Variants in FAHD2B observed in about 807,000 individuals in gnomAD.
The protein encoded by FAHD2B is fumarylacetoacetate hydrolase domain containing 2B.
A neutral mutation model predicts 33.7 loss-of-function variants in FAHD2B; 26 were observed. That is an observed-to-expected ratio of 0.77 (90% CI 0.57 to 1.07). The LOEUF is 1.07. FAHD2B is among the 50% of genes least tolerant of loss of function. The pLI is 0.00. For synonymous variants in FAHD2B, 108 were observed against 150.9 expected, an observed-to-expected ratio of 0.72 and a Z score of 2.08; for missense variants, 272 against 388.1, an observed-to-expected ratio of 0.70 and a Z score of 2.51.
chr2:97,085,543 G>C (rs71429304), intron 6 of FAHD2B, among the ~76,000 whole-genome samples, 156 bp downstream of exon 6: 7 of 152,270 alleles, frequency 4.6e-5, no homozygotes, highest in Admixed American at 1.3e-4. Flanking sequence ...TGGGAGAACT[G>C]GTGGCTGAGG....
At chr2:97,089,379 C>T (rs539708922) in intron 4 of FAHD2B, among the ~76,000 whole-genome samples, 157 of 149,382 alleles carry the variant, frequency 1.1e-3, no homozygotes, top group African/African-American at 3.5e-3. Context: ...ATTAGGTGGG[C>T]GTGGTGGCAT....
intron 1 of FAHD2B, among the ~76,000 whole-genome samples, 154 bp from the exon 2 acceptor site, chr2:97,092,142 A>G (rs1220587500): frequency 6.6e-6 from 1 of 152,124 alleles, no homozygotes; most frequent in Non-Finnish European, 1.5e-5. Context: ...TTCTGGAGGA[A>G]GTGATGTGAG....
At chr2:97,087,566 G>T (rs1257171360) in intron 4 of FAHD2B, among the ~76,000 whole-genome samples, 6 of 151,948 alleles carry the variant, frequency 3.9e-5, no homozygotes, top group Admixed American at 3.9e-4. Context: ...AGGTGTGGTG[G>T]TGCATCCCTG....
At chr2:97,089,244 G>C (rs1006025627) in intron 4 of FAHD2B, among the ~76,000 whole-genome samples, 1 of 151,936 alleles carries the variant, frequency 6.6e-6, no homozygotes, top group Non-Finnish European at 1.5e-5. Flanking sequence ...AATAAGGCCG[G>C]GTGTGGTGAC....
At chr2:97,083,530 C>T (rs376452382), downstream of FAHD2B, 17 of 921,930 alleles carry the variant, frequency 1.8e-5, no homozygotes, top group South Asian at 3.6e-5. Flanking sequence ...CAAAATGCCC[C>T]AACTTGTTCC....
chr2:97,084,013 C>T lies in FAHD2B; in HGVS notation c.817G>A (p.Asp273Asn), dbSNP rs140352445. 6.2e-7 allele frequency: 1 copy of T among 1,613,744 alleles called. No individual in the cohort carries two copies. Among genetic ancestry groups the T allele is most frequent in the East Asian group, 2.2e-5 (1 of 44,886 alleles). ...GGGGGGGTCCCAGTTAGGATGACAT[C>T]CCCTGGGTAAAAGGTAACAAACCTG... ...VSQFVTFYPG[D>N]VILTGTPPGV... Residue 273 changes from aspartate (D) to asparagine (N), a missense_variant, in exon 8 of 9, where the codon GAT becomes AAT. Transcript: ENST00000414820.
chr2:97,082,603 C>G, downstream of FAHD2B: 4 of 1,569,496 alleles, frequency 2.5e-6, no homozygotes, highest in Non-Finnish European at 3.5e-6. Context: ...AGTCTGAGTT[C>G]TATCCCTCCC....
At chr2:97,081,147 G>C, downstream of FAHD2B, 1 of 1,471,418 alleles carries the variant, frequency 6.8e-7, no homozygotes, top group Non-Finnish European at 9.0e-7. Flanking sequence ...CGCCCCAGGG[G>C]CCCTGGGAGC....
chr2:97,083,556 A>C (rs909629276), downstream of FAHD2B: 14 of 1,025,280 alleles, frequency 1.4e-5, no homozygotes, highest in Non-Finnish European at 1.8e-5. Context: ...ACAAAGCCCA[A>C]AAGAAGACAA....
downstream of FAHD2B, chr2:97,083,472 A>T (rs1410361459): frequency 9.7e-5 from 111 of 1,143,982 alleles, no homozygotes; most frequent in South Asian, 1.5e-3. Context: ...GCCCAGCAGC[A>T]TCTTTTTGGC....
chr2:97,079,236 C>A (rs2031570562), downstream of FAHD2B, among the ~76,000 whole-genome samples: 1 of 152,112 alleles, frequency 6.6e-6, no homozygotes, highest in East Asian at 1.9e-4. Context: ...TGGACGCATG[C>A]ATGCATGTGT....
rs1181737008 is a variant in FAHD2B at position 97,085,606 on chromosome 2, C to G, written c.685+93G>C. Reference sequence around the variant, plus strand: ...GCAGTCAAAGGGCAGCCAGGGAGGGCAGGTGCCACATGTACCTGAACCCAT... The same window carrying G: ...GCAGTCAAAGGGCAGCCAGGGAGGGGAGGTGCCACATGTACCTGAACCCAT... On this transcript the variant is annotated intron_variant, in intron 6 of 8. Coordinates refer to ENST00000414820, the MANE Select transcript of FAHD2B (RefSeq NM_001320848.2). 1.9e-6 allele frequency: 3 copies of G among 1,543,226 alleles called. No homozygotes were observed. The East Asian group carries it at 6.8e-5, about 35-fold the overall frequency.
downstream of FAHD2B, chr2:97,082,028 G>A (rs867351175): frequency 3.9e-5 from 61 of 1,577,862 alleles, 1 homozygote; most frequent in Middle Eastern, 1.8e-3. Context: ...CGGCGACTGA[G>A]CAGAAAGCTG....
chr2:97,089,886 C>G, intron 4 of FAHD2B: 1 of 611,210 alleles, frequency 1.6e-6, no homozygotes. Flanking sequence ...AAATGTTTAT[C>G]TCTGTTTTAT....
chr2:97,084,832 G>A (rs2031859961), intron 6 of FAHD2B, among the ~76,000 whole-genome samples: 1 of 148,882 alleles, frequency 6.7e-6, no homozygotes, highest in Non-Finnish European at 1.5e-5. Context: ...AGAACCGCTT[G>A]AACCCAGGAG....
Position 97,083,755 on chromosome 2 carries a change from T to C in FAHD2B, c.945A>G (p.Ter315TrpextTer10), listed in dbSNP as rs2031759703. 1.9e-6 allele frequency: 3 copies of C among 1,613,974 alleles called. No homozygotes were observed. Among genetic ancestry groups the C allele is most frequent in the Non-Finnish European group, 2.5e-6 (3 of 1,180,052 alleles). ...ELGVIINKVV* is the reference protein window; with the variant it reads ...ELGVIINKVVW ...CTATGTCGGGCCTGTGCAGGAGCCATCACACCACCTTGTTGATGATGACAC... is the reference window on the plus strand; with the variant it reads ...CTATGTCGGGCCTGTGCAGGAGCCACCACACCACCTTGTTGATGATGACAC... Residue 315 changes from the stop codon to tryptophan (W), a stop_lost, in exon 9 of 9, where the codon TGA (stop) becomes TGG (tryptophan). Coordinates refer to ENST00000414820, the MANE Select transcript of FAHD2B (RefSeq NM_001320848.2).
chr2:97,092,104 A>G, intron 1 of FAHD2B, 116 bp from the exon 2 acceptor site: 1 of 166,154 alleles, frequency 6.0e-6, no homozygotes, highest in Non-Finnish European at 1.3e-5. Flanking sequence ...TGCTGTGAAG[A>G]TGGTCAGGGG....
chr2:97,094,236 A>G (rs1261863425), intron 1 of FAHD2B, among the ~76,000 whole-genome samples: 1 of 152,028 alleles, frequency 6.6e-6, no homozygotes, highest in East Asian at 1.9e-4. Flanking sequence ...TTCCCTTCCC[A>G]CATGACACAC....
At chr2:97,082,448 G>C, downstream of FAHD2B, 1 of 1,613,322 alleles carries the variant, frequency 6.2e-7, no homozygotes, top group South Asian at 1.1e-5. Context: ...CCACCGCCCA[G>C]GAAGAAGGGA....
Sources: allele counts gnomAD v4.1 joint callset (sites outside exome capture counted in the v4.1 genomes callset), GRCh38; gene constraint gnomAD v4.1.1; transcripts MANE v1.5; gene names NCBI Gene and HGNC (gene_info 2026-07-23, HGNC 2026-07-21).